Variants in CPD observed in about 807,000 individuals in gnomAD.
CPD encodes the protein metallocarboxypeptidase D.
A neutral mutation model predicts 138.3 loss-of-function variants in CPD; 69 were observed. The ratio of observed to expected loss-of-function variants is 0.50; its 90% CI spans 0.41 to 0.61. The LOEUF is 0.61. CPD is among the 20% of genes least tolerant of loss of function. The probability of loss-of-function intolerance (pLI) is 0.00; values close to 1 mark genes in which losing one functional copy is unlikely to be tolerated. For missense variants in CPD, 1,432 were observed against 1,733.3 expected (o/e 0.83, Z 3.09); for synonymous variants, 651 against 642.1 (o/e 1.01, Z -0.21).
At chr17:30,462,562 A>G (rs1913517918) in intron 20 of CPD, 93 bp downstream of exon 20, 7 of 800,014 alleles carry the variant, frequency 8.7e-6, no homozygotes, top group Non-Finnish European at 1.5e-5. Context: ...TGATCCTGAA[A>G]CTAATCACTT....
chr17:30,397,836 G>A (rs1911551527), intron 2 of CPD, among the ~76,000 whole-genome samples: 1 of 150,298 alleles, frequency 6.7e-6, no homozygotes, highest in South Asian at 2.1e-4. Flanking sequence ...CAAATCTCTG[G>A]CATTTTTATT....
intron 2 of CPD, among the ~76,000 whole-genome samples, chr17:30,385,949 C>T (rs1911174798): frequency 1.3e-5 from 2 of 151,884 alleles, no homozygotes; most frequent in South Asian, 4.1e-4. Context: ...AGACCCATAA[C>T]GTCAAGCTGC....
chr17:30,444,375 T>G (rs1025345504), intron 11 of CPD, among the ~76,000 whole-genome samples: 12 of 152,290 alleles, frequency 7.9e-5, no homozygotes, highest in African/African-American at 2.9e-4. Flanking sequence ...AAGATAGTTT[T>G]TCCTTTAAAG....
chr17:30,415,623 A>G, intron 2 of CPD, among the ~76,000 whole-genome samples: 1 of 152,216 alleles, frequency 6.6e-6, no homozygotes, highest in African/African-American at 2.4e-5. Flanking sequence ...ACATTTCTCT[A>G]AAGAAGATAT....
intron 11 of CPD, 161 bp downstream of exon 11, chr17:30,444,132 G>T: frequency 3.9e-6 from 2 of 516,606 alleles, no homozygotes; most frequent in Non-Finnish European, 3.3e-6. Context: ...TTTAGTGGCA[G>T]ATAGAGTACA....
intron 1 of CPD, chr17:30,380,546 A>G: frequency 2.0e-6 from 3 of 1,472,456 alleles, no homozygotes; most frequent in Non-Finnish European, 2.7e-6. Flanking sequence ...TTTAAGTGTT[A>G]TTAAGCATTG....
intron 8 of CPD, among the ~76,000 whole-genome samples, chr17:30,433,621 C>T (rs1912623281): frequency 6.6e-6 from 1 of 152,154 alleles, no homozygotes; most frequent in African/African-American, 2.4e-5. Flanking sequence ...TGCTATAGTC[C>T]ATATGTGTGC....
chr17:30,420,476 T>A (rs531815466), intron 2 of CPD, among the ~76,000 whole-genome samples: 1 of 152,346 alleles, frequency 6.6e-6, no homozygotes, highest in African/African-American at 2.4e-5. Context: ...CTGCCTCATA[T>A]AATTGCTGTA....
chr17:30,455,611 A>G, intron 15 of CPD, 141 bp downstream of exon 15: 2 of 865,006 alleles, frequency 2.3e-6, no homozygotes, highest in South Asian at 3.7e-5. Context: ...AGAAGATTGT[A>G]CATACATCAG....
chr17:30,399,080 C>T (rs1911583609), intron 2 of CPD, among the ~76,000 whole-genome samples: 1 of 151,802 alleles, frequency 6.6e-6, no homozygotes, highest in Non-Finnish European at 1.5e-5. Context: ...AGGAAACGTG[C>T]TTTACTTTTA....
intron 2 of CPD, among the ~76,000 whole-genome samples, chr17:30,403,782 A>G (rs187242432): frequency 1.1e-4 from 16 of 152,314 alleles, no homozygotes; most frequent in Non-Finnish European, 1.5e-5. Context: ...CCACCTCTAG[A>G]TATTTACCCA....
intron 2 of CPD, among the ~76,000 whole-genome samples, chr17:30,406,885 T>C (rs1442300371): frequency 6.6e-6 from 1 of 152,214 alleles, no homozygotes; most frequent in Non-Finnish European, 1.5e-5. Context: ...TACATAGGTA[T>C]ACATGTGTCA....
chr17:30,457,714 C>T (rs1361087599), intron 17 of CPD, among the ~76,000 whole-genome samples: 2 of 151,718 alleles, frequency 1.3e-5, no homozygotes, highest in East Asian at 1.9e-4. Context: ...GGCTGGAGTG[C>T]AGTGGCTATG....
chr17:30,420,976 T>C lies in CPD; in HGVS notation c.1130T>C (p.Ile377Thr), dbSNP rs1016322611. 15 of 1,613,262 alleles carry C rather than the reference T, an allele frequency of 9.3e-6. No homozygotes were observed. The highest frequency in any genetic ancestry group is 2.2e-5 in the East Asian group (1 of 44,848). The change falls in exon 3 of 21, where the codon ATT becomes ACT. Residue 377 changes from isoleucine to threonine, a missense_variant. By Grantham distance (89) the Ile-to-Thr change is moderately conservative (BLOSUM62 -1). Around this residue, in one of 6 missense-constraint regions of CPD, gnomAD observed 160 missense variants for 197.9 expected, o/e 0.81. Coordinates refer to ENST00000225719, the MANE Select transcript of CPD (RefSeq NM_001304.5). The stretch of plus-strand genomic sequence containing the variant: ...AATCGTGAGTCTTTGATCACATTGA[T>C]TGAAAAGGTAAAAGTAGATGACTGG... ...ENNRESLITLIEKVHIGVKGF... is the reference protein window; with the variant it reads ...ENNRESLITLTEKVHIGVKGF...
rs1490165776 is a variant in CPD, at chr17:30,379,225, T to A, written c.245T>A (p.Leu82His). The change falls in exon 1 of 21, where the codon CTC becomes CAC. Residue 82 changes from leucine to histidine, a missense_variant. Around this residue, in one of 6 missense-constraint regions of CPD, gnomAD observed 484 missense variants for 477.2 expected, o/e 1.01. Transcript: ENST00000225719. This position sits in a 1 kb window ranked among gnomAD's most constrained non-coding sequence, Gnocchi z 7.0. ...GCGGGCCTCCCCGGCCTGGCCCGCC[T>A]CTTTAGCATCGGCCGCTCGGTGGAA... ...AAAGLPGLAR[L>H]FSIGRSVEGR... 14 of 1,525,046 alleles carry A rather than the reference T, an allele frequency of 9.2e-6. No homozygotes were observed. The highest frequency in any genetic ancestry group is 1.2e-5 in the Non-Finnish European group (14 of 1,141,516). The allele number at this position is 1,525,046 out of a possible 1,614,324, so 94.5% of individuals were successfully genotyped here.
intron 7 of CPD, among the ~76,000 whole-genome samples, chr17:30,427,806 A>T (rs1247973459): frequency 8.7e-5 from 10 of 114,398 alleles, no homozygotes; most frequent in Admixed American, 2.0e-4. Flanking sequence ...TCTTCTCTCC[A>T]CCCCTTTCTC....
chr17:30,409,768 G>A (rs538630503), intron 2 of CPD, among the ~76,000 whole-genome samples: 1 of 151,728 alleles, frequency 6.6e-6, no homozygotes, highest in Non-Finnish European at 1.5e-5. Context: ...AGTCTTGCTA[G>A]CAGTCTATCA....
At chr17:30,445,091 A>C (rs112585439) in intron 11 of CPD, among the ~76,000 whole-genome samples, 9 of 152,286 alleles carry the variant, frequency 5.9e-5, no homozygotes, top group African/African-American at 1.9e-4. Context: ...CCCTGATAGA[A>C]GACAAGTGAA....
At chr17:30,401,682 C>G (rs935211845) in intron 2 of CPD, among the ~76,000 whole-genome samples, 2 of 152,036 alleles carry the variant, frequency 1.3e-5, no homozygotes, top group African/African-American at 2.4e-5. Flanking sequence ...GACAGGTTTT[C>G]AACATGTTGC....
Sources: gnomAD v4.1 joint callset for allele counts (sites outside exome capture counted in the v4.1 genomes callset) on GRCh38, gnomAD v4.1.1 for gene constraint, gnomAD v4.1.1 regional missense constraint, Gnocchi (gnomAD v3.1) non-coding constraint, MANE v1.5 for transcripts, NCBI Gene and HGNC (gene_info 2026-07-23, HGNC 2026-07-21) for gene names.